Variants in ERICH2 observed in about 807,000 individuals in gnomAD.
The protein encoded by ERICH2 is glutamate rich 2, also known as glutamate-rich protein 2.
A neutral mutation model predicts 17.4 loss-of-function variants in ERICH2; 17 were observed. The observed-to-expected ratio is 0.98, with a 90% confidence interval of 0.67 to 1.47. ERICH2 has a LOEUF of 1.47. Ranked by LOEUF, ERICH2 falls within the 40% of genes most tolerant of loss-of-function variation. The pLI is 0.00. For synonymous variants in ERICH2, 51 were observed against 61.1 expected (o/e 0.83, Z 0.77); for missense variants, 186 against 183.2 (o/e 1.01, Z -0.09).
chr2:170,780,100 ACT>A (rs1700994038), upstream of ERICH2, among the ~76,000 whole-genome samples: 1 of 152,184 alleles, frequency 6.6e-6, no homozygotes, highest in Admixed American at 6.5e-5. Context: ...AACCTGATTA[ACT>A]CTGTAATTTT....
intron 3 of ERICH2, 108 bp downstream of exon 8, chr2:170,793,028 T>TA (rs1318078314): frequency 1.8e-6 from 1 of 563,100 alleles, no homozygotes; most frequent in East Asian, 3.0e-5. Flanking sequence ...AATTCCCTGA[T>TA]AGTGTCTCAG....
chr2:170,776,673 C>T, the ERICH2 span, among the ~76,000 whole-genome samples: 11 of 152,076 alleles, frequency 7.2e-5, no homozygotes, highest in East Asian at 3.8e-4. Flanking sequence ...CCACCGCGCC[C>T]GGCCTTAAAA....
chr2:170,787,934 T>A (rs1461557632), intron 2 of ERICH2, among the ~76,000 whole-genome samples: 1 of 152,208 alleles, frequency 6.6e-6, no homozygotes, highest in Non-Finnish European at 1.5e-5. Flanking sequence ...TGTCTAATTT[T>A]ATGGTTGTTT....
chr2:170,777,660 A>G, the ERICH2 span: 5 of 1,234,224 alleles, frequency 4.1e-6, no homozygotes, highest in East Asian at 1.6e-4. Flanking sequence ...TGATGATTGA[A>G]TCAAACGAAG....
chr2:170,790,349 A>G (rs1436013690), intron 2 of ERICH2, among the ~76,000 whole-genome samples: 3 of 150,682 alleles, frequency 2.0e-5, no homozygotes, highest in Admixed American at 2.0e-4. Context: ...ACAAACAGCC[A>G]GGCATGGTGC....
At chr2:170,779,837 A>T, upstream of ERICH2, 1 of 985,202 alleles carries the variant, frequency 1.0e-6, no homozygotes, top group Non-Finnish European at 1.2e-6. Context: ...AGCAAACTTA[A>T]TACCTCACCA....
At chr2:170,798,838 G>C in exon 5 of ERICH2, 1 of 1,550,684 alleles carries the variant, frequency 6.4e-7, no homozygotes, top group Non-Finnish European at 8.7e-7. Flanking sequence ...GAGTAAAGGA[G>C]AAAGCGATGA....
chr2:170,784,643 T>C lies in ERICH2; in HGVS notation c.29-3T>C. Reference sequence around the variant, plus strand: ...TGATTAAATTAGGTATATTCTCTTTTAGGTGAAGTGAGCAAAGATGCAGTC... The same window carrying C: ...TGATTAAATTAGGTATATTCTCTTTCAGGTGAAGTGAGCAAAGATGCAGTC... On this transcript the variant is annotated splice_region_variant and splice_polypyrimidine_tract_variant and intron_variant, in intron 1 of 4. Coordinates refer to ENST00000409885, the Ensembl canonical transcript of ERICH2. 6.7e-7 allele frequency: 1 copy of C among 1,487,280 alleles called. No homozygotes were observed. The highest frequency in any genetic ancestry group is 8.9e-7 in the Non-Finnish European group (1 of 1,118,282). The allele number at this position is 1,487,280 out of a possible 1,614,324, so 92.1% of individuals were successfully genotyped here.
chr2:170,778,304 T>C, the ERICH2 span, among the ~76,000 whole-genome samples: 1 of 152,210 alleles, frequency 6.6e-6, no homozygotes, highest in East Asian at 1.9e-4. Context: ...CTATTTATTC[T>C]ATGAAAAATT....
chr2:170,773,179 C>T, the ERICH2 span, among the ~76,000 whole-genome samples: 1 of 152,120 alleles, frequency 6.6e-6, no homozygotes, highest in Non-Finnish European at 1.5e-5. Flanking sequence ...AGTCTGGTCC[C>T]CAGGCAAGAA....
the ERICH2 span, among the ~76,000 whole-genome samples, chr2:170,770,384 G>A: frequency 1.3e-5 from 2 of 152,190 alleles, no homozygotes; most frequent in Admixed American, 6.5e-5. Context: ...CGGCGTGGCA[G>A]AGCAGCAGCT....
the ERICH2 span, chr2:170,777,866 A>G: frequency 2.5e-6 from 1 of 399,958 alleles, no homozygotes; most frequent in Non-Finnish European, 4.4e-6. Flanking sequence ...AAAATGAAAA[A>G]TGAATTTTGA....
chr2:170,771,967 A>G, the ERICH2 span, among the ~76,000 whole-genome samples: 1 of 152,232 alleles, frequency 6.6e-6, no homozygotes, highest in African/African-American at 2.4e-5. This position sits in a 1 kb window ranked among gnomAD's most constrained non-coding sequence, Gnocchi z 4.8. Flanking sequence ...ATGTCTTTTA[A>G]TATGTTTCAT....
At chr2:170,782,452 C>T (rs1487053876), upstream of ERICH2, 15 of 828,828 alleles carry the variant, frequency 1.8e-5, no homozygotes, top group Non-Finnish European at 1.9e-5. Flanking sequence ...TCCTTTTCTG[C>T]GACCTTTGGG....
intron 2 of ERICH2, among the ~76,000 whole-genome samples, chr2:170,785,063 A>G (rs1413074510): frequency 1.3e-5 from 2 of 152,126 alleles, no homozygotes; most frequent in African/African-American, 2.4e-5. Flanking sequence ...ATTCAGTAGT[A>G]CAGTAGGGAA....
chr2:170,776,687 G>GT, the ERICH2 span, among the ~76,000 whole-genome samples: 5 of 151,742 alleles, frequency 3.3e-5, no homozygotes, highest in South Asian at 2.1e-4. Context: ...CTTAAAAGCT[G>GT]TTTTTTATTT....
chr2:170,788,148 C>G (rs1049751724), intron 2 of ERICH2, among the ~76,000 whole-genome samples: 1 of 152,034 alleles, frequency 6.6e-6, no homozygotes, highest in Admixed American at 6.6e-5. Context: ...AATTTTGAAA[C>G]CTCCTTAATA....
At chr2:170,780,340 G>A (rs56364811), upstream of ERICH2, among the ~76,000 whole-genome samples, 35,733 of 152,022 alleles carry the variant, frequency 0.24, 4,841 homozygotes, top group South Asian at 0.33. Flanking sequence ...TTGGGCCTCC[G>A]ATTCTTTGAA....
At chr2:170,783,672 A>G, upstream of ERICH2, 1 of 950,874 alleles carries the variant, frequency 1.1e-6, no homozygotes, top group Non-Finnish European at 1.6e-6. Flanking sequence ...TCTAGGGATC[A>G]GGAAACTTCT....
Sources: allele counts gnomAD v4.1 joint callset (sites outside exome capture counted in the v4.1 genomes callset), GRCh38; gene constraint gnomAD v4.1.1; non-coding constraint Gnocchi (gnomAD v3.1); transcripts MANE v1.5; gene names NCBI Gene and HGNC (gene_info 2026-07-23, HGNC 2026-07-21).